The following NDST4 variants were observed in gnomAD, a reference collection of about 807,000 sequenced individuals.
The protein encoded by NDST4 is N-deacetylase and N-sulfotransferase 4.
NDST4 carries 63 observed loss-of-function variants against 100.8 expected under a neutral mutation model. The observed-to-expected ratio is 0.62, with a 90% CI of 0.51 to 0.77. The LOEUF (loss-of-function observed/expected upper bound fraction) is 0.77. NDST4 is among the 30% of genes least tolerant of loss of function. The pLI, the probability that NDST4 is intolerant of heterozygous loss-of-function variation, is 0.00. For synonymous variants in NDST4, 377 were observed against 361.8 expected (o/e 1.04, Z -0.48); for missense variants, 943 against 1,018.4 (o/e 0.93, Z 1.01).
At chr4:114,921,056 A>T (rs188391610) in intron 6 of NDST4, among the ~76,000 whole-genome samples, 2 of 152,194 alleles carry the variant, frequency 1.3e-5, no homozygotes, top group African/African-American at 2.4e-5. Context: ...CTTCTGCCAC[A>T]GTCAGTGTTG....
intron 2 of NDST4, among the ~76,000 whole-genome samples, chr4:114,986,365 C>T (rs751497136): frequency 1.3e-5 from 2 of 152,082 alleles, no homozygotes; most frequent in Non-Finnish European, 2.9e-5. Context: ...GTGCCCTAAA[C>T]GTTGTTACTG....
intron 6 of NDST4, among the ~76,000 whole-genome samples, chr4:114,899,844 C>A (rs562530745): frequency 2.6e-5 from 4 of 152,142 alleles, no homozygotes; most frequent in Non-Finnish European, 5.9e-5. Context: ...AAAATGATGG[C>A]CTTATTAAAT....
At chr4:114,900,772 G>A (rs978635369) in intron 6 of NDST4, among the ~76,000 whole-genome samples, 1 of 152,048 alleles carries the variant, frequency 6.6e-6, no homozygotes, top group African/African-American at 2.4e-5. Context: ...GACTGTACAT[G>A]CATTCAGTGA....
At chr4:114,975,193 A>G (rs529233887) in intron 3 of NDST4, among the ~76,000 whole-genome samples, 2 of 152,250 alleles carry the variant, frequency 1.3e-5, no homozygotes, top group African/African-American at 4.8e-5. Flanking sequence ...ATTAATAAGT[A>G]TTCATATAAT....
At chr4:115,083,646 T>C (rs762262016) in intron 1 of NDST4, among the ~76,000 whole-genome samples, 2 of 152,166 alleles carry the variant, frequency 1.3e-5, no homozygotes, top group Non-Finnish European at 2.9e-5. Context: ...CCATGTGTTG[T>C]AGGAGGGACC....
intron 6 of NDST4, among the ~76,000 whole-genome samples, chr4:114,877,093 C>T (rs545437757): frequency 6.8e-6 from 1 of 147,500 alleles, no homozygotes; most frequent in Non-Finnish European, 1.5e-5. Flanking sequence ...CACACGCGTG[C>T]ACGCGCGCAA....
intron 1 of NDST4, among the ~76,000 whole-genome samples, chr4:115,082,691 T>A (rs1729327220): frequency 6.6e-6 from 1 of 152,176 alleles, no homozygotes; most frequent in South Asian, 2.1e-4. Flanking sequence ...GGATCTATTT[T>A]TAAAATGACA....
chr4:114,984,041 A>G (rs889180439), intron 2 of NDST4, among the ~76,000 whole-genome samples: 4 of 152,104 alleles, frequency 2.6e-5, no homozygotes, highest in Non-Finnish European at 4.4e-5. Flanking sequence ...AAGTTTCATG[A>G]GGTCTTCCCA....
intron 2 of NDST4, among the ~76,000 whole-genome samples, chr4:115,040,447 G>A (rs1728326403): frequency 6.6e-6 from 1 of 151,084 alleles, no homozygotes; most frequent in African/African-American, 2.4e-5. Flanking sequence ...CATGAGATAT[G>A]GTAAATAAGT....
At chr4:114,863,779 G>C (rs1051992888) in intron 7 of NDST4, among the ~76,000 whole-genome samples, 2 of 152,166 alleles carry the variant, frequency 1.3e-5, no homozygotes, top group African/African-American at 4.8e-5. Context: ...GAATATATGA[G>C]GCAAATTTAC....
At chr4:114,995,040 A>G (rs944117334) in intron 2 of NDST4, among the ~76,000 whole-genome samples, 2 of 152,096 alleles carry the variant, frequency 1.3e-5, no homozygotes, top group Non-Finnish European at 2.9e-5. Flanking sequence ...ATAAATTTAG[A>G]CACTAAAATG....
At chr4:114,966,608 CA>C (rs1429061574) in intron 4 of NDST4, among the ~76,000 whole-genome samples, 1 of 151,932 alleles carries the variant, frequency 6.6e-6, no homozygotes, top group Non-Finnish European at 1.5e-5. Flanking sequence ...CAGCCAAGGT[CA>C]TATCAAGGGA....
chr4:114,851,807 G>T (rs543592828), intron 8 of NDST4, among the ~76,000 whole-genome samples: 1 of 152,170 alleles, frequency 6.6e-6, no homozygotes, highest in South Asian at 2.1e-4. Flanking sequence ...TATATTCCTA[G>T]AGAAAGAAAA....
At chr4:114,872,668 A>T (rs1724173693) in intron 6 of NDST4, among the ~76,000 whole-genome samples, 1 of 152,012 alleles carries the variant, frequency 6.6e-6, no homozygotes, top group Non-Finnish European at 1.5e-5. Flanking sequence ...GCAGGATTCT[A>T]AGCCCTTTAC....
intron 2 of NDST4, among the ~76,000 whole-genome samples, chr4:115,062,835 AG>A (rs1728853153): frequency 6.6e-6 from 1 of 151,936 alleles, no homozygotes. Context: ...TTAGTAAACT[AG>A]GGCTATAGGT....
chr4:115,033,151 ATATATATTT>A (rs1443476951), intron 2 of NDST4, among the ~76,000 whole-genome samples: 1,526 of 97,070 alleles, frequency 0.016, 27 homozygotes, highest in African/African-American at 0.072. Context: ...ATATATATAT[ATATATATTT>A]TTTTTTTTTT....
At chr4:115,080,667 C>T (rs186955126) in intron 1 of NDST4, among the ~76,000 whole-genome samples, 1 of 151,060 alleles carries the variant, frequency 6.6e-6, no homozygotes, top group East Asian at 1.9e-4. Context: ...TTAAAAGATA[C>T]ATATATACAT....
chr4:114,958,770 C>T (rs987717236), intron 4 of NDST4, among the ~76,000 whole-genome samples: 1 of 152,172 alleles, frequency 6.6e-6, no homozygotes, highest in Non-Finnish European at 1.5e-5. Flanking sequence ...AATTTCTGCA[C>T]CCAGCTTGAA....
At chr4:115,043,196 T>A (rs572210034) in intron 2 of NDST4, among the ~76,000 whole-genome samples, 1 of 152,042 alleles carries the variant, frequency 6.6e-6, no homozygotes, top group Non-Finnish European at 1.5e-5. Context: ...AATGAAATTA[T>A]GATAAATATG....
Sources: gnomAD v4.1 joint callset for allele counts (sites outside exome capture counted in the v4.1 genomes callset) on GRCh38, gnomAD v4.1.1 for gene constraint, MANE v1.5 for transcripts, NCBI Gene and HGNC (gene_info 2026-07-23, HGNC 2026-07-21) for gene names.